Variants in KMT2E observed in about 807,000 individuals in gnomAD.
KMT2E encodes lysine methyltransferase 2E (inactive), also known as histone reader KMT2E.
A neutral mutation model predicts 184.6 loss-of-function variants in KMT2E; 30 were observed. That is an observed-to-expected ratio of 0.16 (90% confidence interval 0.12 to 0.22). The LOEUF (loss-of-function observed/expected upper bound fraction) is 0.22. KMT2E is among the 10% of genes least tolerant of loss of function. The pLI, the probability that KMT2E is intolerant of heterozygous loss-of-function variation, is 1.00. For missense variants in KMT2E, 2,023 were observed against 2,237.4 expected (o/e 0.90, Z 1.93); for synonymous variants, 815 against 776.5 (o/e 1.05, Z -0.82).
chr7:105,059,985 T>TG (rs1562898224), intron 3 of KMT2E, among the ~76,000 whole-genome samples: 1 of 61,364 alleles, frequency 1.6e-5, no homozygotes, highest in Non-Finnish European at 2.6e-5. Flanking sequence ...GTTGTTTTTT[T>TG]TTTTTTTTTT....
Position 105,111,864 on chromosome 7 carries a change from G to C in KMT2E, c.4108G>C (p.Gly1370Arg). The C allele has an allele frequency of 6.2e-7, 1 of 1,613,778 alleles. No homozygotes were observed. The highest frequency in any genetic ancestry group is 8.5e-7 in the Non-Finnish European group (1 of 1,179,898). ...PGSVIPAQAH[G>R]KIFTKPDPQW... ...ATCTGTAATTCCTGCTCAAGCACAC[G>C]GGAAAATATTCACAAAACCAGATCC... The change falls in exon 27 of 27, where the codon GGG (glycine) becomes CGG (arginine). Residue 1370 changes from glycine to arginine, a missense_variant. Gly to Arg is a moderately radical substitution (Grantham distance 125, BLOSUM62 -2). Coordinates refer to ENST00000311117, the MANE Select transcript of KMT2E (RefSeq NM_182931.3).
At chr7:105,047,551 C>G (rs560715011) in intron 3 of KMT2E, among the ~76,000 whole-genome samples, 1 of 152,346 alleles carries the variant, frequency 6.6e-6, no homozygotes, top group South Asian at 2.1e-4. Flanking sequence ...GAGTGAATTA[C>G]AATTTGTTGA....
intron 1 of KMT2E, among the ~76,000 whole-genome samples, chr7:105,020,099 C>G (rs1412808460): frequency 2.1e-5 from 3 of 140,582 alleles, no homozygotes; most frequent in Admixed American, 7.3e-5. Flanking sequence ...TAGAGTGAGA[C>G]TCTGTCTCAA....
chr7:105,042,772 T>C (rs889383025), intron 3 of KMT2E, among the ~76,000 whole-genome samples: 1 of 152,248 alleles, frequency 6.6e-6, no homozygotes, highest in South Asian at 2.1e-4. Flanking sequence ...TATTTAAAAA[T>C]AATAGATTGT....
intron 13 of KMT2E, chr7:105,089,287 C>G (rs759068943): frequency 2.4e-6 from 1 of 421,310 alleles, no homozygotes; most frequent in Non-Finnish European, 4.7e-6. Flanking sequence ...CAACTTCTGC[C>G]TCCTGGGTTC....
In KMT2E at chr7:105,113,458, C is replaced by A. The variant is rs957901745; in HGVS notation, c.*125C>A. ...TGTATAAAAAACACCAGTGCTCTTT[C>A]GTTGTATTTTTCTCATTTTTGCTTT... On this transcript the variant is annotated 3_prime_UTR_variant, in exon 27 of 27. Coordinates refer to ENST00000311117, the MANE Select transcript of KMT2E (RefSeq NM_182931.3). The A allele has an allele frequency of 1.9e-6, 2 of 1,067,342 alleles. No homozygotes were observed. Among genetic ancestry groups the A allele is most frequent in the African/African-American group, 3.2e-5 (2 of 62,374 alleles). 66.1% of individuals were successfully genotyped at this position (1,067,342 alleles called of 1,614,324 possible). A position where few individuals can be genotyped will look rare whatever the true frequency, so the allele number is the denominator to read the frequency against.
intron 13 of KMT2E, among the ~76,000 whole-genome samples, chr7:105,082,371 A>G (rs1797791422): frequency 6.6e-6 from 1 of 152,218 alleles, no homozygotes; most frequent in African/African-American, 2.4e-5. Context: ...ACTCCCCAGA[A>G]ACTTTACTAA....
chr7:105,033,454 A>G (rs953871681), intron 1 of KMT2E, among the ~76,000 whole-genome samples: 2 of 152,136 alleles, frequency 1.3e-5, no homozygotes, highest in African/African-American at 4.8e-5. Flanking sequence ...GGTAATTAAT[A>G]GAAGGTTTTT....
intron 3 of KMT2E, among the ~76,000 whole-genome samples, chr7:105,042,716 T>C (rs554205308): frequency 6.8e-4 from 103 of 152,334 alleles, no homozygotes; most frequent in African/African-American, 2.4e-3. Flanking sequence ...CATACCAAAC[T>C]TCATTTGCTC....
chr7:105,099,598 T>C (rs1269664704), intron 15 of KMT2E, among the ~76,000 whole-genome samples: 2 of 152,166 alleles, frequency 1.3e-5, no homozygotes, highest in Non-Finnish European at 2.9e-5. Flanking sequence ...TTGGACTATG[T>C]CAGACTCTGT....
In KMT2E at chr7:105,040,935, T is replaced by C; in HGVS notation, c.-18T>C. ...GCATAGGACTCCATAGTAATCGAAT[T>C]TACCAGAGGCGAACGTCATGAGCAT... On this transcript the variant is annotated 5_prime_UTR_variant, in exon 3 of 27. Coordinates refer to ENST00000311117, the MANE Select transcript of KMT2E (RefSeq NM_182931.3). The C allele has an allele frequency of 6.2e-7, 1 of 1,604,678 alleles. No homozygotes were observed. Among genetic ancestry groups the C allele is most frequent in the Non-Finnish European group, 8.5e-7 (1 of 1,174,680 alleles).
chr7:105,069,931 C>T (rs1584755607), intron 6 of KMT2E, among the ~76,000 whole-genome samples: 1 of 152,154 alleles, frequency 6.6e-6, no homozygotes, highest in Non-Finnish European at 1.5e-5. Flanking sequence ...TTCATTTGAC[C>T]CAGTATGTGA....
Position 105,112,651 on chromosome 7 carries a change from CACCACCTGCTCCAGG to C in KMT2E, c.4899_4913del (p.Pro1634_Pro1638del). The C allele has an allele frequency of 6.2e-7, 1 of 1,614,024 alleles. No individual in the cohort carries two copies. Among genetic ancestry groups the C allele is most frequent in the Non-Finnish European group, 8.5e-7 (1 of 1,179,984 alleles). On this transcript the variant is annotated inframe_deletion, in exon 27 of 27. Coordinates refer to ENST00000311117, the MANE Select transcript of KMT2E (RefSeq NM_182931.3). The stretch of plus-strand genomic sequence containing the variant: ...GCCGTAGTCCCCCCTCCTCCTCCAC[CACCACCTGCTCCAGG>C]ACCGCACCTTGTACAACAGCCGAAT...
At chr7:105,093,133 T>C (rs1228231135) in intron 15 of KMT2E, among the ~76,000 whole-genome samples, 2 of 152,282 alleles carry the variant, frequency 1.3e-5, no homozygotes, top group African/African-American at 4.8e-5. Flanking sequence ...AGGTCAAGGC[T>C]GCACTGAGCT....
intron 11 of KMT2E, among the ~76,000 whole-genome samples, 177 bp from the exon 12 acceptor site, chr7:105,078,657 CTTTTTTTTTTTT>C (rs71152940): frequency 2.8e-4 from 13 of 46,722 alleles, no homozygotes; most frequent in African/African-American, 6.5e-4. Context: ...CATGCCTGGC[CTTTTTTTTTTTT>C]TTTTTTTTTT....
In KMT2E at chr7:105,112,995, C is replaced by A; in HGVS notation, c.5239C>A (p.Pro1747Thr). The change falls in exon 27 of 27, where the codon CCT (proline) becomes ACT (threonine). Residue 1747 changes from proline to threonine, a missense_variant. By Grantham distance (38) the Pro-to-Thr change is conservative. This residue lies in a region of KMT2E where 1,108 missense variants were observed against 1,050.9 expected (regional missense o/e 1.05). Transcript: ENST00000311117. ...CTTACACCACCCACCTCATCAAGGACCTCCACTTTTTCCTTCGAGTGCTCA... is the reference window on the plus strand; with the variant it reads ...CTTACACCACCCACCTCATCAAGGAACTCCACTTTTTCCTTCGAGTGCTCA... ...QALHHPPHQGPPLFPSSAHPT... is the reference protein window; with the variant it reads ...QALHHPPHQGTPLFPSSAHPT... 1.2e-6 allele frequency: 2 copies of A among 1,614,074 alleles called. No individual in the cohort carries two copies. The highest frequency in any genetic ancestry group is 1.7e-6 in the Non-Finnish European group (2 of 1,180,018).
chr7:105,041,054 A>G, intron 3 of KMT2E, 31 bp downstream of exon 3: 1 of 1,311,328 alleles, frequency 7.6e-7, no homozygotes, highest in Non-Finnish European at 1.1e-6. Context: ...CATAAGCAAA[A>G]AAAAAAAAAA....
At position 105,105,942 on chromosome 7, in the gene KMT2E, T is replaced by C; in HGVS notation, c.2535T>C (p.Ser845=). The part of the protein sequence containing the change: ...FNSPCQERSR[S]PAVNGENKSP... ...CACCCTGTCAAGAAAGATCCAGAAG[T>C]CCTGCAGTCAATGGTGAAAATAAAA... is the stretch of plus-strand genomic sequence containing the variant. Residue 845 remains serine, a synonymous_variant, in exon 19 of 27, where the codon AGT becomes AGC. Coordinates refer to ENST00000311117, the MANE Select transcript of KMT2E (RefSeq NM_182931.3). 1 of 1,613,570 alleles carries C rather than the reference T, an allele frequency of 6.2e-7. No individual in the cohort carries two copies. Among genetic ancestry groups the C allele is most frequent in the Non-Finnish European group, 8.5e-7 (1 of 1,179,726 alleles).
Position 105,074,802 on chromosome 7 carries a change from C to A in KMT2E, c.716C>A (p.Ser239Ter). The A allele has an allele frequency of 6.2e-7, 1 of 1,601,802 alleles. No individual in the cohort carries two copies. The highest frequency in any genetic ancestry group is 1.1e-5 in the South Asian group (1 of 88,766). ...AGCGGGGAGAAAGAACAACACATTT[C>A]AAAATGTAAAAAGGTACGTTTTTGC... ...KKSGEKEQHI[S>*]KCKKAFREGS... The change falls in exon 8 of 27, where the codon TCA becomes TAA. Residue 239 changes from serine (S) to a stop codon, truncating the protein, a stop_gained. Coordinates refer to ENST00000311117, the MANE Select transcript of KMT2E (RefSeq NM_182931.3). LOFTEE classifies it high-confidence loss of function.
Sources: allele counts gnomAD v4.1 joint callset (sites outside exome capture counted in the v4.1 genomes callset), GRCh38; gene constraint gnomAD v4.1.1; regional missense constraint gnomAD v4.1.1; transcripts MANE v1.5; gene names NCBI Gene and HGNC (gene_info 2026-07-23, HGNC 2026-07-21).